CSMD1: variants seen among roughly 807,000 people sequenced by gnomAD.
CSMD1 encodes the protein CUB and sushi domain-containing protein 1.
A neutral mutation model predicts 417.5 loss-of-function variants in CSMD1; 213 were observed. The ratio of observed to expected loss-of-function variants is 0.51; its 90% confidence interval spans 0.46 to 0.57. CSMD1 has a LOEUF of 0.57. Among genes scored for constraint, CSMD1 ranks in the 20% least tolerant of loss-of-function variants. The pLI is 0.00. For synonymous variants in CSMD1, 2,862 were observed against 1,736.8 expected, an observed-to-expected ratio of 1.65 and a Z score of -16.11; for missense variants, 6,923 against 4,529.7, an observed-to-expected ratio of 1.53 and a Z score of -15.17.
At chr8:4,759,029 T>G (rs1811853795) in intron 1 of CSMD1, among the ~76,000 whole-genome samples, 1 of 152,164 alleles carries the variant, frequency 6.6e-6, no homozygotes, top group Non-Finnish European at 1.5e-5. Flanking sequence ...AGGAAACAGA[T>G]GCGGAGATGG....
intron 5 of CSMD1, among the ~76,000 whole-genome samples, chr8:3,971,963 A>C (rs1813120973): frequency 6.6e-6 from 1 of 151,996 alleles, no homozygotes; most frequent in Non-Finnish European, 1.5e-5. Context: ...GCTGGAGTGC[A>C]GTGGGTGATC....
intron 3 of CSMD1, among the ~76,000 whole-genome samples, chr8:4,284,972 C>A (rs993661681): frequency 1.3e-5 from 2 of 152,214 alleles, no homozygotes; most frequent in Non-Finnish European, 2.9e-5. Context: ...CACCTCACCT[C>A]GCCTCACCAT....
At chr8:3,667,703 G>T (rs756068519) in intron 7 of CSMD1, among the ~76,000 whole-genome samples, 1 of 152,218 alleles carries the variant, frequency 6.6e-6, no homozygotes, top group Non-Finnish European at 1.5e-5. Context: ...GAATTGAGCT[G>T]TTAGAGGATT....
intron 2 of CSMD1, among the ~76,000 whole-genome samples, chr8:4,440,182 T>C (rs937110432): frequency 5.9e-5 from 9 of 152,226 alleles, no homozygotes; most frequent in African/African-American, 1.9e-4. Flanking sequence ...ATTAATAATG[T>C]AGAAATCTTT....
intron 41 of CSMD1, among the ~76,000 whole-genome samples, chr8:3,119,497 G>A (rs1425045535): frequency 1.4e-5 from 2 of 147,096 alleles, no homozygotes; most frequent in Non-Finnish European, 1.5e-5. Context: ...CAGTCTTTAT[G>A]TTCCCTAGAA....
intron 5 of CSMD1, among the ~76,000 whole-genome samples, chr8:3,834,546 C>G (rs1432245139): frequency 6.6e-6 from 1 of 152,188 alleles, no homozygotes; most frequent in East Asian, 1.9e-4. Flanking sequence ...TCTTCCAAAA[C>G]TGGCTGATTT....
At chr8:3,060,357 A>G (rs11779634) in intron 49 of CSMD1, among the ~76,000 whole-genome samples, 75,799 of 151,610 alleles carry the variant, frequency 0.5, 19,445 homozygotes, top group Non-Finnish European at 0.56. Context: ...TGTTGGCCAG[A>G]CTGATCTTGA....
intron 23 of CSMD1, among the ~76,000 whole-genome samples, chr8:3,325,880 T>C (rs1246548144): frequency 6.6e-6 from 1 of 152,132 alleles, no homozygotes; most frequent in South Asian, 2.1e-4. Context: ...TAAATAACAA[T>C]GTGAATCCAC....
At position 4,420,091 on chromosome 8, in the gene CSMD1, G is replaced by A. The variant is rs1224867537; in HGVS notation, c.303-26C>T. 3.4e-6 allele frequency: 5 copies of A among 1,491,484 alleles called. No individual in the cohort carries two copies. The South Asian group carries it at 6.0e-5, about 18-fold the overall frequency. The allele number at this position is 1,491,484 out of a possible 1,614,324, so 92.4% of individuals were successfully genotyped here. A position where few individuals can be genotyped will look rare whatever the true frequency, so the allele number is the denominator to read the frequency against. On this transcript the variant is annotated intron_variant, in intron 2 of 69. Coordinates refer to ENST00000635120, the MANE Select transcript of CSMD1 (RefSeq NM_033225.6). ...CTAAATTTAAAAGACAAGACACAAA[G>A]AGAGTTAAAAGCATGAATTTGTCAA...
chr8:4,360,194 G>C (rs1229974332), intron 3 of CSMD1, among the ~76,000 whole-genome samples: 3 of 152,096 alleles, frequency 2.0e-5, no homozygotes, highest in African/African-American at 7.2e-5. Flanking sequence ...TAAACGCGTG[G>C]CATTTGTCAC....
chr8:4,529,281 C>T (rs1440965661), intron 2 of CSMD1, among the ~76,000 whole-genome samples: 2 of 152,104 alleles, frequency 1.3e-5, no homozygotes, highest in Admixed American at 6.5e-5. Flanking sequence ...CCAAAAGGTA[C>T]ATAGTGCACA....
intron 7 of CSMD1, among the ~76,000 whole-genome samples, chr8:3,644,966 GAA>G (rs71203456): frequency 1.9e-3 from 123 of 64,518 alleles, no homozygotes; most frequent in African/African-American, 8.2e-3. Context: ...GGCTTTAAAT[GAA>G]AAAAAAAAAA....
intron 12 of CSMD1, among the ~76,000 whole-genome samples, chr8:3,449,995 G>C (rs1035771013): frequency 2.0e-5 from 3 of 152,236 alleles, no homozygotes; most frequent in Admixed American, 1.3e-4. Context: ...CCAGACGGGA[G>C]AGAGGGTCAC....
chr8:4,006,234 G>C (rs1430627610), intron 4 of CSMD1, among the ~76,000 whole-genome samples: 2 of 152,166 alleles, frequency 1.3e-5, no homozygotes, highest in African/African-American at 4.8e-5. Flanking sequence ...TTGACTTTGT[G>C]CGCAGGAGTA....
intron 1 of CSMD1, among the ~76,000 whole-genome samples, chr8:4,836,267 A>T (rs1278167594): frequency 6.6e-6 from 1 of 152,214 alleles, no homozygotes; most frequent in African/African-American, 2.4e-5. Flanking sequence ...TTATAACGTG[A>T]AGACTAATTT....
rs528631576 is a variant in CSMD1, at chr8:3,611,002, T to C, written c.1097+5708A>G. On this transcript the variant is annotated intron_variant, in intron 8 of 69. Transcript: ENST00000635120. Reference sequence around the variant, plus strand: ...AGTGTCACTTAAACCAAACACCGCATGTTCTCACTCATAGGTGGGAACTGA... The same window carrying C: ...AGTGTCACTTAAACCAAACACCGCACGTTCTCACTCATAGGTGGGAACTGA... Among the ~76,000 whole-genome samples the C allele has an allele frequency of 1.7e-3, 249 of 145,280 alleles. 1 individual carries two copies. Among genetic ancestry groups the C allele is most frequent in the African/African-American group, 6.2e-3 (240 of 38,960 alleles).
chr8:4,488,747 C>A (rs561146184), intron 2 of CSMD1, among the ~76,000 whole-genome samples: 73 of 152,128 alleles, frequency 4.8e-4, no homozygotes, highest in Middle Eastern at 3.4e-3. Flanking sequence ...AATGGGCCCT[C>A]AGAAGTCAGC....
intron 5 of CSMD1, among the ~76,000 whole-genome samples, chr8:3,848,706 G>T (rs777729026): frequency 1.4e-4 from 21 of 152,010 alleles, no homozygotes; most frequent in Non-Finnish European, 2.8e-4. Context: ...TGTGTGATCT[G>T]ATCTCTGAAA....
At chr8:4,385,340 C>G (rs1803377307) in intron 3 of CSMD1, among the ~76,000 whole-genome samples, 1 of 152,188 alleles carries the variant, frequency 6.6e-6, no homozygotes, top group Admixed American at 6.5e-5. Flanking sequence ...CTAAAACGGG[C>G]CCTTCACTGC....
Sources: allele counts gnomAD v4.1 joint callset (sites outside exome capture counted in the v4.1 genomes callset), GRCh38; gene constraint gnomAD v4.1.1; transcripts MANE v1.5; gene names NCBI Gene and HGNC (gene_info 2026-07-23, HGNC 2026-07-21).